The following SCFD1 variants were observed in gnomAD, a reference collection of about 807,000 sequenced individuals.
SCFD1 encodes the protein sec1 family domain containing 1.
A neutral mutation model predicts 103.2 loss-of-function variants in SCFD1; 37 were observed. The ratio of observed to expected loss-of-function variants is 0.36; its 90% CI spans 0.28 to 0.47. The LOEUF is 0.47. Among genes scored for constraint, SCFD1 ranks in the 20% least tolerant of loss-of-function variants. The pLI is 1.00. For synonymous variants in SCFD1, 264 were observed against 245.0 expected (o/e 1.08, Z -0.73); for missense variants, 639 against 761.2 (o/e 0.84, Z 1.89).
At chr14:30,700,907 A>G (rs1461519592) in intron 16 of SCFD1, among the ~76,000 whole-genome samples, 1 of 152,218 alleles carries the variant, frequency 6.6e-6, no homozygotes, top group Non-Finnish European at 1.5e-5. Flanking sequence ...GGTTGACCTT[A>G]TTTTAAGATT....
At chr14:30,721,118 G>A (rs991525635) in intron 21 of SCFD1, among the ~76,000 whole-genome samples, 8 of 152,060 alleles carry the variant, frequency 5.3e-5, no homozygotes, top group African/African-American at 1.9e-4. Context: ...TTTCAGTCAG[G>A]TGGACTTGTA....
At chr14:30,694,544 G>C (rs1890556417) in intron 14 of SCFD1, among the ~76,000 whole-genome samples, 1 of 151,964 alleles carries the variant, frequency 6.6e-6, no homozygotes, top group East Asian at 1.9e-4. Flanking sequence ...CAGGTGTGGT[G>C]ACACATACCT....
At chr14:30,664,021 A>G (rs1887682338) in intron 10 of SCFD1, among the ~76,000 whole-genome samples, 1 of 152,190 alleles carries the variant, frequency 6.6e-6, no homozygotes, top group South Asian at 2.1e-4. Context: ...TGAAGAGAGC[A>G]GTGGTTCTCC....
chr14:30,683,181 A>G (rs1889630636), intron 14 of SCFD1: 2 of 1,101,434 alleles, frequency 1.8e-6, no homozygotes. Context: ...TAGGCTGGAG[A>G]TGGAGAGTGT....
chr14:30,623,655 A>T (rs2138959937), intron 1 of SCFD1, among the ~76,000 whole-genome samples: 1 of 152,338 alleles, frequency 6.6e-6, no homozygotes, highest in Admixed American at 6.5e-5. Flanking sequence ...GAGCTTTTTG[A>T]AAAATAAATT....
Position 30,628,192 on chromosome 14 carries a change from A to T in SCFD1, c.62-17A>T, listed in dbSNP as rs1282623853. On this transcript the variant is annotated splice_polypyrimidine_tract_variant and intron_variant, in intron 1 of 24. Transcript: ENST00000458591. ...TAAAAAACAATGACAATATTTGATAAAACTTTTTATTTTCAGTGGCTTTGA... is the reference window on the plus strand; with the variant it reads ...TAAAAAACAATGACAATATTTGATATAACTTTTTATTTTCAGTGGCTTTGA... 6 of 1,587,672 alleles carry T rather than the reference A, an allele frequency of 3.8e-6. No homozygotes were observed. The East Asian group carries it at 1.3e-4, about 36-fold the overall frequency.
chr14:30,648,383 T>G (rs1409584075), intron 7 of SCFD1, among the ~76,000 whole-genome samples: 2 of 152,232 alleles, frequency 1.3e-5, no homozygotes, highest in African/African-American at 2.4e-5. Flanking sequence ...CAGTTTGTCT[T>G]ATGAGACTTT....
intron 15 of SCFD1, among the ~76,000 whole-genome samples, chr14:30,699,017 G>A (rs539242019): frequency 8.5e-5 from 13 of 152,238 alleles, no homozygotes; most frequent in African/African-American, 2.9e-4. Context: ...AATAACCTAC[G>A]GAAGGCTGGT....
chr14:30,678,057 C>T (rs899627754), intron 14 of SCFD1, among the ~76,000 whole-genome samples: 1 of 151,782 alleles, frequency 6.6e-6, no homozygotes, highest in South Asian at 2.1e-4. Flanking sequence ...GCAGGATGGT[C>T]ACCATCTCTT....
chr14:30,721,997 C>T, intron 22 of SCFD1, 80 bp downstream of exon 22: 1 of 1,020,524 alleles, frequency 9.8e-7, no homozygotes, highest in Non-Finnish European at 1.5e-6. Flanking sequence ...CTGTACCAAA[C>T]ATGGCTTTAT....
At chr14:30,649,437 T>G (rs1254981673) in intron 7 of SCFD1, 91 bp from the exon 8 acceptor site, 4 of 766,240 alleles carry the variant, frequency 5.2e-6, no homozygotes, top group Non-Finnish European at 8.7e-6. Context: ...TATGTATCTA[T>G]CACATCTGTT....
At chr14:30,719,192 T>C in intron 20 of SCFD1, 133 bp from the exon 21 acceptor site, 1 of 657,924 alleles carries the variant, frequency 1.5e-6, no homozygotes, top group Non-Finnish European at 2.7e-6. Context: ...TAGTAAGTGC[T>C]CATTAAGTAT....
intron 6 of SCFD1, 119 bp downstream of exon 6, chr14:30,639,983 T>C: frequency 8.5e-7 from 1 of 1,173,414 alleles, no homozygotes. Context: ...AGTAGAGCTA[T>C]AGAAGCTTTT....
At chr14:30,641,267 C>T (rs1490288049) in intron 6 of SCFD1, among the ~76,000 whole-genome samples, 1 of 152,102 alleles carries the variant, frequency 6.6e-6, no homozygotes, top group Non-Finnish European at 1.5e-5. Context: ...AAATATTTTT[C>T]ATTCTAAACT....
At chr14:30,670,487 A>G in intron 11 of SCFD1, 92 bp downstream of exon 11, 1 of 910,182 alleles carries the variant, frequency 1.1e-6, no homozygotes, top group Non-Finnish European at 1.6e-6. Flanking sequence ...AAAAAGGGTC[A>G]TGTAGGTTCG....
intron 7 of SCFD1, chr14:30,644,091 C>T (rs1232203201): frequency 4.8e-6 from 2 of 415,342 alleles, no homozygotes; most frequent in East Asian, 7.3e-5. Context: ...CAAGTGAGAA[C>T]ATAGGGTGTT....
chr14:30,700,620 G>A (rs1254848215), intron 16 of SCFD1, among the ~76,000 whole-genome samples: 1 of 152,126 alleles, frequency 6.6e-6, no homozygotes, highest in Non-Finnish European at 1.5e-5. Context: ...GTTGCAGTGA[G>A]CCAAGATCAT....
intron 23 of SCFD1, chr14:30,734,392 C>T (rs138571963): frequency 5.4e-4 from 118 of 216,536 alleles, no homozygotes; most frequent in African/African-American, 1.8e-3. Context: ...TCCATGCCAC[C>T]TGCACCATAG....
intron 10 of SCFD1, among the ~76,000 whole-genome samples, chr14:30,669,561 T>C (rs115020922): frequency 6.6e-6 from 1 of 151,956 alleles, no homozygotes; most frequent in African/African-American, 2.4e-5. Context: ...TGGTTTTTTT[T>C]ACAGAAAAGG....
Sources: allele counts gnomAD v4.1 joint callset (sites outside exome capture counted in the v4.1 genomes callset), GRCh38; gene constraint gnomAD v4.1.1; transcripts MANE v1.5; gene names NCBI Gene and HGNC (gene_info 2026-07-23, HGNC 2026-07-21).